Variants in ZNF497 observed in about 807,000 individuals in gnomAD.
ZNF497 encodes zinc finger protein 497, also known as zinc finger-like protein.
For missense variants in ZNF497, 930 were observed against 714.0 expected (o/e 1.30, Z -3.45); for synonymous variants, 422 against 313.7 (o/e 1.35, Z -3.65).
Position 58,356,414 on chromosome 19 carries a change from G to A in ZNF497, c.1222C>T (p.His408Tyr), listed in dbSNP as rs2052020354. Residue 408 changes from histidine to tyrosine, a missense_variant, in exon 3 of 3, where the codon CAC becomes TAC. His to Tyr is a moderately conservative substitution (Grantham distance 83). Coordinates refer to ENST00000311044, the MANE Select transcript of ZNF497 (RefSeq NM_198458.3). The stretch of plus-strand genomic sequence containing the variant: ...CAGGCGAAGGGTCGCTCTCCCGTGT[G>A]CGAAAGCCGGTGGTGCGCCAGGCCG... Reference protein sequence around the residue: ...SSGLAHHRLSHTGERPFACAE... With the variant: ...SSGLAHHRLSYTGERPFACAE... 6.4e-7 allele frequency: 1 copy of A among 1,564,882 alleles called. No individual in the cohort carries two copies. The highest frequency in any genetic ancestry group is 8.6e-7 in the Non-Finnish European group (1 of 1,160,216).
chr19:58,356,989 T>A lies in ZNF497; in HGVS notation c.647A>T (p.Lys216Met). ...GCCGCACTCCGGGCACTCGTAGGGC[T>A]TCTCGCCCGTGTGCGTGCGTCGGTG... is the stretch of plus-strand genomic sequence containing the variant. ...VQHRRTHTGE[K>M]PYECPECGKA... Residue 216 changes from lysine to methionine, a missense_variant, in exon 3 of 3, where the codon AAG becomes ATG. Physicochemically the swap from Lys to Met is moderately conservative, Grantham distance 95. Coordinates refer to ENST00000311044, the MANE Select transcript of ZNF497 (RefSeq NM_198458.3). The A allele has an allele frequency of 6.2e-7, 1 of 1,606,926 alleles. No homozygotes were observed. Among genetic ancestry groups the A allele is most frequent in the Middle Eastern group, 1.7e-4 (1 of 6,036 alleles).
intron 2 of ZNF497, chr19:58,357,958 T>G (rs2052047637): frequency 7.6e-7 from 1 of 1,313,102 alleles, no homozygotes; most frequent in Admixed American, 3.3e-5. Flanking sequence ...GCACCTGCAC[T>G]GGCCCTACTG....
At chr19:58,360,003 C>G (rs774647348) in intron 1 of ZNF497, among the ~76,000 whole-genome samples, 2 of 151,176 alleles carry the variant, frequency 1.3e-5, no homozygotes, top group Non-Finnish European at 2.9e-5. Context: ...AATACTGATA[C>G]ATACTACAAG....
rs775665786 is a variant in ZNF497 at position 58,357,518 on chromosome 19, C to A, written c.118G>T (p.Ala40Ser). Residue 40 changes from alanine (A) to serine (S), a missense_variant, in exon 3 of 3, where the codon GCC becomes TCC. Physicochemically the swap from Ala to Ser is moderately conservative, Grantham distance 99. Transcript: ENST00000311044. ...SEGAVSGGWGAWENSTEVPRE... is the reference protein window; with the variant it reads ...SEGAVSGGWGSWENSTEVPRE... ...GGAACCTCCGTGGAGTTTTCCCAGG[C>A]CCCCCAGCCTCCAGACACAGCCCCC... The A allele has an allele frequency of 1.2e-6, 2 of 1,601,306 alleles. No individual in the cohort carries two copies. Among genetic ancestry groups the A allele is most frequent in the Admixed American group, 1.7e-5 (1 of 58,346 alleles).
At chr19:58,359,877 G>A (rs1430510421) in intron 1 of ZNF497, among the ~76,000 whole-genome samples, 2 of 151,980 alleles carry the variant, frequency 1.3e-5, no homozygotes, top group African/African-American at 4.8e-5. Flanking sequence ...GGAGGCTGAG[G>A]CAGAGAACTG....
chr19:58,356,667 C>T lies in ZNF497; in HGVS notation c.969G>A (p.Thr323=), dbSNP rs2052025504. ...ESSQLLQHQR[T]HTGERPFECA... Reference sequence around the variant, plus strand: ...ACTCGAAGGGCCGCTCACCAGTGTGCGTGCGCTGGTGCTGCAGGAGCTGCG... The same window carrying T: ...ACTCGAAGGGCCGCTCACCAGTGTGTGTGCGCTGGTGCTGCAGGAGCTGCG... The change falls in exon 3 of 3, where the codon ACG becomes ACA. Residue 323 remains threonine, a synonymous_variant. Coordinates refer to ENST00000311044, the MANE Select transcript of ZNF497 (RefSeq NM_198458.3). 1.9e-6 allele frequency: 3 copies of T among 1,551,546 alleles called. No individual in the cohort carries two copies. Among genetic ancestry groups the T allele is most frequent in the South Asian group, 1.2e-5 (1 of 85,274 alleles).
At chr19:58,357,891 C>A in intron 2 of ZNF497, 2 of 1,370,770 alleles carry the variant, frequency 1.5e-6, no homozygotes, top group Non-Finnish European at 9.4e-7. Context: ...ACACCCGGCC[C>A]GGCCCAGCAG....
intron 1 of ZNF497, chr19:58,359,564 T>C (rs1171633448): frequency 2.3e-6 from 1 of 428,636 alleles, no homozygotes; most frequent in South Asian, 1.7e-5. Flanking sequence ...CCCTGCCCTG[T>C]CTCCTTGGCA....
chr19:58,356,678 G>T lies in ZNF497; in HGVS notation c.958C>A (p.His320Asn). ...CGCTCACCAGTGTGCGTGCGCTGGTGCTGCAGGAGCTGCGAGCTCTCGCGG... is the reference window on the plus strand; with the variant it reads ...CGCTCACCAGTGTGCGTGCGCTGGTTCTGCAGGAGCTGCGAGCTCTCGCGG... ...AFRESSQLLQ[H>N]QRTHTGERPF... Residue 320 changes from histidine to asparagine, a missense_variant, in exon 3 of 3, where the codon CAC becomes AAC. By Grantham distance (68) the His-to-Asn change is moderately conservative. Transcript: ENST00000311044. The T allele has an allele frequency of 6.4e-7, 1 of 1,555,358 alleles. No homozygotes were observed. Among genetic ancestry groups the T allele is most frequent in the Non-Finnish European group, 8.6e-7 (1 of 1,156,088 alleles).
chr19:58,362,640 C>G (rs902524234), intron 1 of ZNF497, 37 bp downstream of exon 1: 4 of 152,220 alleles, frequency 2.6e-5, no homozygotes, highest in African/African-American at 9.6e-5. Flanking sequence ...GAGGGCGGAT[C>G]TGTGCCTGGC....
Position 58,356,594 on chromosome 19 carries a change from G to A in ZNF497, c.1042C>T (p.His348Tyr), listed in dbSNP as rs988356009. 1.3e-6 allele frequency: 2 copies of A among 1,546,404 alleles called. No individual in the cohort carries two copies. The highest frequency in any genetic ancestry group is 1.7e-6 in the Non-Finnish European group (2 of 1,150,802). ...AFVMGSYLAEHRRVHTGEKPH... is the reference protein window; with the variant it reads ...AFVMGSYLAEYRRVHTGEKPH... ...TTCTCGCCCGTGTGCACGCGCCGGT[G>A]CTCCGCCAGGTAGGAGCCCATGACG... is the stretch of plus-strand genomic sequence containing the variant. The change falls in exon 3 of 3, where the codon CAC (histidine) becomes TAC (tyrosine). Residue 348 changes from histidine (H) to tyrosine (Y), a missense_variant. Transcript: ENST00000311044.
chr19:58,358,154 C>T, intron 2 of ZNF497: 2 of 418,510 alleles, frequency 4.8e-6, no homozygotes, highest in South Asian at 7.6e-5. Context: ...GGGTAGTCCC[C>T]TCCACACAGT....
In ZNF497 at chr19:58,355,175, A is replaced by G. The variant is rs988053724; in HGVS notation, c.*964T>C. On this transcript the variant is annotated 3_prime_UTR_variant, in exon 3 of 3. Transcript: ENST00000311044. ...GTTTGAAATACCTAGTGTGGTTTCT[A>G]TTTCCTGACTTGACTCTGACTGGTG... The G allele has an allele frequency of 3.3e-5, 5 of 152,272 alleles. No homozygotes were observed. The highest frequency in any genetic ancestry group is 1.2e-4 in the African/African-American group (5 of 41,428). The allele number at this position is 152,272 out of a possible 1,614,324, so 9.4% of individuals were successfully genotyped here. A position where few individuals can be genotyped will look rare whatever the true frequency, so the allele number is the denominator to read the frequency against.
chr19:58,362,611 G>A (rs1313796351), intron 1 of ZNF497, 66 bp downstream of exon 1: 5 of 152,186 alleles, frequency 3.3e-5, no homozygotes, highest in African/African-American at 1.2e-4. Flanking sequence ...GCCCCGCGCG[G>A]CGGGAGTGGT....
intron 1 of ZNF497, among the ~76,000 whole-genome samples, chr19:58,362,375 G>A (rs1355672056): frequency 6.6e-6 from 1 of 152,220 alleles, no homozygotes; most frequent in Non-Finnish European, 1.5e-5. Flanking sequence ...GGCGCGGCAG[G>A]GCATGAGTGA....
chr19:58,357,158 T>C lies in ZNF497; in HGVS notation c.478A>G (p.Lys160Glu). The C allele has an allele frequency of 6.2e-7, 1 of 1,611,058 alleles. No individual in the cohort carries two copies. The highest frequency in any genetic ancestry group is 8.5e-7 in the Non-Finnish European group (1 of 1,179,016). ...SQHQRIHSGE[K>E]PYACRECGKA... ...CCGCACTCCCTGCAAGCGTAGGGCT[T>C]CTCGCCGCTGTGGATGCGCTGGTGC... is the stretch of plus-strand genomic sequence containing the variant. The change falls in exon 3 of 3, where the codon AAG becomes GAG. Residue 160 changes from lysine to glutamate, a missense_variant. By Grantham distance (56) the Lys-to-Glu change is moderately conservative (BLOSUM62 1). Transcript: ENST00000311044.
intron 1 of ZNF497, chr19:58,359,175 T>C (rs1267042640): frequency 1.5e-6 from 2 of 1,290,970 alleles, no homozygotes; most frequent in Admixed American, 4.6e-5. Context: ...TGGCCAGGGC[T>C]CTTGGAGCTG....
At chr19:58,358,717 G>A in intron 1 of ZNF497, 132 bp from the exon 2 acceptor site, 1 of 446,726 alleles carries the variant, frequency 2.2e-6, no homozygotes, top group Non-Finnish European at 4.3e-6. Flanking sequence ...GGAGCACACA[G>A]GTGTGGACTG....
intron 1 of ZNF497, chr19:58,359,118 C>A: frequency 8.7e-7 from 1 of 1,152,792 alleles, no homozygotes; most frequent in Non-Finnish European, 1.2e-6. Flanking sequence ...TGAGCCAGGG[C>A]CCCTCGGGGC....
Sources: gnomAD v4.1 joint callset for allele counts (sites outside exome capture counted in the v4.1 genomes callset) on GRCh38, gnomAD v4.1.1 for gene constraint, MANE v1.5 for transcripts, NCBI Gene and HGNC (gene_info 2026-07-23, HGNC 2026-07-21) for gene names.